Variants in KLHL29 observed in about 807,000 individuals in gnomAD.
KLHL29 encodes kelch like family member 29.
KLHL29 carries 21 observed loss-of-function variants against 80.4 expected under a neutral mutation model. The ratio of observed to expected loss-of-function variants is 0.26; its 90% CI spans 0.19 to 0.38. The LOEUF (loss-of-function observed/expected upper bound fraction) is 0.38, where lower values mean the gene tolerates loss of function less well. Among genes scored for constraint, KLHL29 ranks in the 10% least tolerant of loss-of-function variants. The pLI is 1.00. For synonymous variants in KLHL29, 511 were observed against 526.8 expected (o/e 0.97, Z 0.41); for missense variants, 867 against 1,223.9 (o/e 0.71, Z 4.35).
chr2:23,677,512 G>A (rs72796103), intron 5 of KLHL29, among the ~76,000 whole-genome samples: 15,067 of 152,240 alleles, frequency 0.099, 857 homozygotes, highest in Middle Eastern at 0.17. Context: ...CAGGCTGGAC[G>A]AGCGACCCAC....
At chr2:23,692,819 C>T (rs992726545) in intron 7 of KLHL29, among the ~76,000 whole-genome samples, 1 of 152,132 alleles carries the variant, frequency 6.6e-6, no homozygotes, top group Non-Finnish European at 1.5e-5. Flanking sequence ...GAAGCCTATG[C>T]AAGAAGCTGG....
intron 3 of KLHL29, among the ~76,000 whole-genome samples, chr2:23,638,931 C>T (rs1669690718): frequency 6.6e-6 from 1 of 152,150 alleles, no homozygotes; most frequent in East Asian, 1.9e-4. Context: ...TAGCAGAGGT[C>T]CCAGCTGCTA....
At position 23,696,607 on chromosome 2, in the gene KLHL29, G is replaced by A; in HGVS notation, c.2105+94G>A. 1 of 1,017,480 alleles carries A rather than the reference G, an allele frequency of 9.8e-7. No homozygotes were observed. Among genetic ancestry groups the A allele is most frequent in the Non-Finnish European group, 1.4e-6 (1 of 702,690 alleles). 63.0% of individuals were successfully genotyped at this position (1,017,480 alleles called of 1,614,324 possible). ...TGTACCTCCCAACACCCACTCAGTG[G>A]CGATGGAGCAGAGCCTGGACCATTC... On this transcript the variant is annotated intron_variant, in intron 11 of 13. Coordinates refer to ENST00000486442, the MANE Select transcript of KLHL29 (RefSeq NM_052920.2). This position sits in a 1 kb window ranked among gnomAD's most constrained non-coding sequence, Gnocchi z 5.5.
At chr2:23,560,329 A>G (rs1028967804) in intron 2 of KLHL29, among the ~76,000 whole-genome samples, 6 of 124,850 alleles carry the variant, frequency 4.8e-5, no homozygotes, top group African/African-American at 1.9e-4. Flanking sequence ...GGAGTGCAAT[A>G]TCGCGATCTC....
At chr2:23,512,548 A>G (rs1314863602) in intron 2 of KLHL29, among the ~76,000 whole-genome samples, 2 of 152,240 alleles carry the variant, frequency 1.3e-5, no homozygotes, top group Admixed American at 6.5e-5. Context: ...CTGGAATATA[A>G]GTATGCAATA....
chr2:23,459,271 C>T (rs1280968621), intron 1 of KLHL29, among the ~76,000 whole-genome samples: 1 of 152,080 alleles, frequency 6.6e-6, no homozygotes, highest in Non-Finnish European at 1.5e-5. Flanking sequence ...TCTGAGTTGC[C>T]TTTGAAACAT....
chr2:23,445,422 T>A (rs1572518272), intron 1 of KLHL29, among the ~76,000 whole-genome samples: 1 of 152,348 alleles, frequency 6.6e-6, no homozygotes, highest in East Asian at 1.9e-4. Flanking sequence ...AGCCTTGAAA[T>A]CCCTCCATAC....
At chr2:23,605,905 G>T (rs1668709581) in intron 3 of KLHL29, among the ~76,000 whole-genome samples, 1 of 152,064 alleles carries the variant, frequency 6.6e-6, no homozygotes, top group African/African-American at 2.4e-5. Flanking sequence ...AAGTAGCTGG[G>T]ATTTTAGGCA....
intron 3 of KLHL29, among the ~76,000 whole-genome samples, chr2:23,613,729 A>G (rs1291580974): frequency 7.6e-6 from 1 of 131,336 alleles, no homozygotes; most frequent in Non-Finnish European, 1.5e-5. Flanking sequence ...GCGCCATTGC[A>G]CTCCAGCCTG....
intron 1 of KLHL29, among the ~76,000 whole-genome samples, chr2:23,447,983 G>A (rs546695262): frequency 3.3e-5 from 5 of 152,256 alleles, no homozygotes; most frequent in Non-Finnish European, 5.9e-5. Flanking sequence ...GGCTGGAGAT[G>A]CCTGTAATTT....
chr2:23,684,374 C>A lies in KLHL29; in HGVS notation c.941-25C>A. ...AAAAAACTCTTAATGGGAACCTGGC[C>A]CTGTCTGTCTTCTCTGTTCTGCAGA... is the stretch of plus-strand genomic sequence containing the variant. On this transcript the variant is annotated intron_variant, in intron 5 of 13. Coordinates refer to ENST00000486442, the MANE Select transcript of KLHL29 (RefSeq NM_052920.2). This position sits in a 1 kb window ranked among gnomAD's most constrained non-coding sequence, Gnocchi z 4.4. 1 of 1,398,034 alleles carries A rather than the reference C, an allele frequency of 7.2e-7. No individual in the cohort carries two copies. The highest frequency in any genetic ancestry group is 9.4e-7 in the Non-Finnish European group (1 of 1,068,748). 86.6% of individuals were successfully genotyped at this position (1,398,034 alleles called of 1,614,324 possible).
intron 3 of KLHL29, among the ~76,000 whole-genome samples, chr2:23,618,265 G>A (rs1215307787): frequency 6.6e-6 from 1 of 152,142 alleles, no homozygotes; most frequent in African/African-American, 2.4e-5. Flanking sequence ...GTAGTAGATG[G>A]TGGGACAGTG....
chr2:23,502,413 C>T (rs899057330), intron 2 of KLHL29, among the ~76,000 whole-genome samples: 7 of 152,218 alleles, frequency 4.6e-5, no homozygotes, highest in South Asian at 2.1e-4. Flanking sequence ...GCGGTTCTCC[C>T]GGGAGGGAGT....
chr2:23,477,625 C>A (rs574812791), intron 2 of KLHL29, among the ~76,000 whole-genome samples: 4 of 152,380 alleles, frequency 2.6e-5, no homozygotes, highest in Admixed American at 1.3e-4. Context: ...CATGGCACCA[C>A]TGGTGGGCGA....
At chr2:23,619,131 T>C (rs1669100999) in intron 3 of KLHL29, among the ~76,000 whole-genome samples, 1 of 152,228 alleles carries the variant, frequency 6.6e-6, no homozygotes, top group African/African-American at 2.4e-5. Context: ...CTCCAGCCAT[T>C]GCTCCCTAGA....
chr2:23,443,226 G>A (rs1663582238), intron 1 of KLHL29, among the ~76,000 whole-genome samples: 1 of 152,120 alleles, frequency 6.6e-6, no homozygotes, highest in Admixed American at 6.6e-5. Context: ...TTGCTGAGCT[G>A]TTTGAAAGTT....
At chr2:23,618,569 G>A (rs1266021194) in intron 3 of KLHL29, among the ~76,000 whole-genome samples, 1 of 152,144 alleles carries the variant, frequency 6.6e-6, no homozygotes, top group Non-Finnish European at 1.5e-5. Flanking sequence ...CGCTCTTCTT[G>A]GGTCTCAAGC....
intron 3 of KLHL29, among the ~76,000 whole-genome samples, chr2:23,569,152 T>G (rs894444732): frequency 2.0e-5 from 3 of 152,210 alleles, no homozygotes; most frequent in Non-Finnish European, 2.9e-5. Context: ...ACCTACTGAT[T>G]TGGAATTTAA....
intron 3 of KLHL29, among the ~76,000 whole-genome samples, chr2:23,583,272 C>A (rs1668031476): frequency 6.6e-6 from 1 of 152,178 alleles, no homozygotes; most frequent in African/African-American, 2.4e-5. Context: ...ATGGAAGGGT[C>A]TCTTCCTAGC....
Sources: allele counts gnomAD v4.1 joint callset (sites outside exome capture counted in the v4.1 genomes callset), GRCh38; gene constraint gnomAD v4.1.1; non-coding constraint Gnocchi (gnomAD v3.1); transcripts MANE v1.5; gene names NCBI Gene and HGNC (gene_info 2026-07-23, HGNC 2026-07-21).